LATS2: variants seen among roughly 807,000 people sequenced by gnomAD.
The protein encoded by LATS2 is large tumor suppressor kinase 2, also known as serine/threonine-protein kinase LATS2.
In LATS2, 24 loss-of-function variants were observed where a neutral mutation model predicts 76.0. That is an observed-to-expected ratio of 0.32 (90% CI 0.23 to 0.44). The LOEUF (loss-of-function observed/expected upper bound fraction) is 0.44, where lower values mean the gene tolerates loss of function less well. Ranked by LOEUF, LATS2 falls within the 20% of genes least tolerant of loss-of-function variation. The pLI is 1.00. For synonymous variants in LATS2, 692 were observed against 635.4 expected, an observed-to-expected ratio of 1.09 and a Z score of -1.34; for missense variants, 1,286 against 1,481.2, an observed-to-expected ratio of 0.87 and a Z score of 2.16.
At chr13:20,979,302 C>T (rs1372595282) in intron 7 of LATS2, among the ~76,000 whole-genome samples, 1 of 151,994 alleles carries the variant, frequency 6.6e-6, no homozygotes, top group African/African-American at 2.4e-5. Context: ...CACCCCAAAC[C>T]CCTCATTGCT....
At chr13:21,015,671 C>A (rs1303732851) in intron 2 of LATS2, among the ~76,000 whole-genome samples, 1 of 152,072 alleles carries the variant, frequency 6.6e-6, no homozygotes, top group Non-Finnish European at 1.5e-5. Context: ...GCTCCATTTA[C>A]CTCTTTATAT....
intron 3 of LATS2, 128 bp from the exon 4 acceptor site, chr13:20,989,432 G>A: frequency 1.1e-6 from 1 of 918,194 alleles, no homozygotes; most frequent in Non-Finnish European, 1.7e-6. Context: ...GCCCTGACGT[G>A]CTGCATTCTG....
intron 2 of LATS2, among the ~76,000 whole-genome samples, chr13:21,020,639 T>C (rs1173830528): frequency 6.6e-6 from 1 of 152,230 alleles, no homozygotes; most frequent in East Asian, 1.9e-4. Context: ...TCAGAATTCC[T>C]GCCATCCATC....
intron 2 of LATS2, among the ~76,000 whole-genome samples, chr13:21,019,527 G>C (rs567512684): frequency 7.5e-6 from 1 of 133,784 alleles, no homozygotes; most frequent in South Asian, 2.3e-4. Context: ...ATTTTTAGTA[G>C]AGACAGGGTT....
intron 2 of LATS2, among the ~76,000 whole-genome samples, chr13:21,018,338 G>A (rs116091059): frequency 4.9e-4 from 74 of 152,334 alleles, no homozygotes; most frequent in African/African-American, 1.7e-3. Flanking sequence ...CGAGGTATGT[G>A]GCAATACTGA....
At chr13:21,016,023 T>G (rs1041234710) in intron 2 of LATS2, among the ~76,000 whole-genome samples, 1 of 151,018 alleles carries the variant, frequency 6.6e-6, no homozygotes, top group African/African-American at 2.4e-5. Flanking sequence ...AGACTCTCAC[T>G]CTGTCACTCA....
At chr13:21,060,951 G>A (rs1044129932) in intron 1 of LATS2, among the ~76,000 whole-genome samples, 5 of 151,306 alleles carry the variant, frequency 3.3e-5, no homozygotes, top group Non-Finnish European at 5.9e-5. Context: ...CCGGCGCTAC[G>A]GCCTTTCGGG....
At chr13:20,985,687 G>A (rs1043071502) in intron 4 of LATS2, among the ~76,000 whole-genome samples, 4 of 151,924 alleles carry the variant, frequency 2.6e-5, no homozygotes, top group South Asian at 2.1e-4. Context: ...GCAGTGAGCC[G>A]AGATTTCACC....
At chr13:20,992,772 C>T (rs1338371176) in intron 2 of LATS2, among the ~76,000 whole-genome samples, 1 of 152,082 alleles carries the variant, frequency 6.6e-6, no homozygotes, top group Non-Finnish European at 1.5e-5. Context: ...CGTGGTGGCT[C>T]ACGCCTGTAA....
chr13:21,021,383 G>A (rs567571636), intron 2 of LATS2, among the ~76,000 whole-genome samples: 1 of 145,676 alleles, frequency 6.9e-6, no homozygotes, highest in Non-Finnish European at 1.5e-5. Context: ...TCAGGCAGGA[G>A]AGCTGCTTGA....
intron 2 of LATS2, among the ~76,000 whole-genome samples, chr13:21,003,571 G>A (rs1322644346): frequency 6.6e-6 from 1 of 152,004 alleles, no homozygotes; most frequent in Non-Finnish European, 1.5e-5. Context: ...CTCTCAAGGA[G>A]CTGGGATTAC....
At chr13:21,060,187 GA>G (rs1565969467) in intron 1 of LATS2, among the ~76,000 whole-genome samples, 2 of 152,136 alleles carry the variant, frequency 1.3e-5, no homozygotes, top group Non-Finnish European at 2.9e-5. Context: ...GGACACTGGA[GA>G]CTTGCATTTC....
At chr13:21,027,818 T>G (rs1045371790) in intron 2 of LATS2, among the ~76,000 whole-genome samples, 5 of 152,224 alleles carry the variant, frequency 3.3e-5, no homozygotes, top group African/African-American at 1.2e-4. Context: ...GCTGAGATTG[T>G]ATTTGGATTC....
At chr13:21,060,949 A>G (rs986618460) in intron 1 of LATS2, among the ~76,000 whole-genome samples, 2 of 151,064 alleles carry the variant, frequency 1.3e-5, no homozygotes, top group Admixed American at 6.6e-5. Context: ...GCCCGGCGCT[A>G]CGGCCTTTCG....
Position 21,007,549 on chromosome 13 carries a change from A to G in LATS2, c.343-16145T>C, listed in dbSNP as rs566091905. ...GGGGATGGATATATATATATAGTAT[A>G]TATATATATATATATATATATATAT... On this transcript the variant is annotated intron_variant, in intron 2 of 7. Transcript: ENST00000382592. Among the ~76,000 whole-genome samples the G allele has an allele frequency of 7.4e-3, 45 of 6,050 alleles. 6 individuals are homozygous for G. The East Asian group carries it at 0.12, about 16-fold the overall frequency. The allele number at this position is 6,050 out of a possible 152,430, so 4.0% of individuals were successfully genotyped here. A position where few individuals can be genotyped will look rare whatever the true frequency, so the allele number is the denominator to read the frequency against.
chr13:20,982,757 G>A (rs1212043871), intron 5 of LATS2, among the ~76,000 whole-genome samples: 5 of 151,278 alleles, frequency 3.3e-5, no homozygotes, highest in African/African-American at 7.3e-5. Flanking sequence ...TTTGGGAGGC[G>A]GAGGCAGGCG....
chr13:21,050,477 T>C (rs1009472135), intron 1 of LATS2, among the ~76,000 whole-genome samples: 1 of 152,180 alleles, frequency 6.6e-6, no homozygotes, highest in African/African-American at 2.4e-5. Flanking sequence ...CTCTACTCTG[T>C]AGTTTAGCAC....
chr13:20,988,938 G>C lies in LATS2; in HGVS notation c.842C>G (p.Pro281Arg), dbSNP rs1298809982. The change falls in exon 4 of 8, where the codon CCG (proline) becomes CGG (arginine). Residue 281 changes from proline to arginine, a missense_variant. Physicochemically the swap from Pro to Arg is moderately radical, Grantham distance 103. Around this residue, in one of 5 missense-constraint regions of LATS2, gnomAD observed 710 missense variants for 660.9 expected, o/e 1.07. Transcript: ENST00000382592. ...CAGGCTGGCGTAACCCCCGGTCTCCGGCGGCGTCTTGCTCTGGAAGGAGGG... is the reference window on the plus strand; with the variant it reads ...CAGGCTGGCGTAACCCCCGGTCTCCCGCGGCGTCTTGCTCTGGAAGGAGGG... ...RSPSFQSKTPPETGGYASLPT... is the reference protein window; with the variant it reads ...RSPSFQSKTPRETGGYASLPT... 2.0e-6 allele frequency: 3 copies of C among 1,528,176 alleles called. No individual in the cohort carries two copies. Among genetic ancestry groups the C allele is most frequent in the Non-Finnish European group, 2.6e-6 (3 of 1,141,456 alleles). 94.7% of individuals were successfully genotyped at this position (1,528,176 alleles called of 1,614,324 possible).
chr13:21,041,311 T>C (rs547126963), intron 2 of LATS2, among the ~76,000 whole-genome samples: 1 of 152,282 alleles, frequency 6.6e-6, no homozygotes, highest in African/African-American at 2.4e-5. Context: ...CCTGATTCAC[T>C]GAGCAGCTGG....
Sources: gnomAD v4.1 joint callset for allele counts (sites outside exome capture counted in the v4.1 genomes callset) on GRCh38, gnomAD v4.1.1 for gene constraint, gnomAD v4.1.1 regional missense constraint, MANE v1.5 for transcripts, NCBI Gene and HGNC (gene_info 2026-07-23, HGNC 2026-07-21) for gene names.